KDM4A: variants seen among roughly 807,000 people sequenced by gnomAD.
KDM4A encodes lysine-specific demethylase 4A.
A neutral mutation model predicts 127.1 loss-of-function variants in KDM4A; 23 were observed. The observed-to-expected ratio is 0.18, with a 90% confidence interval of 0.13 to 0.26. The LOEUF (loss-of-function observed/expected upper bound fraction) is 0.26. Ranked by LOEUF, KDM4A falls within the 10% of genes least tolerant of loss-of-function variation. The probability of loss-of-function intolerance (pLI) is 1.00; values close to 1 mark genes in which losing one functional copy is unlikely to be tolerated. For synonymous variants in KDM4A, 443 were observed against 466.5 expected (o/e 0.95, Z 0.65); for missense variants, 890 against 1,329.1 (o/e 0.67, Z 5.14).
intron 19 of KDM4A, among the ~76,000 whole-genome samples, chr1:43,698,559 G>T (rs114421363): frequency 0.013 from 2,055 of 152,266 alleles, 54 homozygotes; most frequent in African/African-American, 0.048. Context: ...TGGCTTGGTA[G>T]TGAGGACTTA....
intron 19 of KDM4A, chr1:43,699,910 T>A (rs1034458251): frequency 3.3e-5 from 5 of 151,962 alleles, no homozygotes; most frequent in Admixed American, 6.6e-5. Context: ...TTTGTATTTT[T>A]AGTAGACATG....
At chr1:43,675,157 G>A (rs1205692576) in intron 11 of KDM4A, among the ~76,000 whole-genome samples, 1 of 152,094 alleles carries the variant, frequency 6.6e-6, no homozygotes, top group Non-Finnish European at 1.5e-5. Flanking sequence ...CTGCTCCATC[G>A]CCAACCATCC....
intron 1 of KDM4A, among the ~76,000 whole-genome samples, chr1:43,652,915 C>T (rs899897348): frequency 1.3e-5 from 2 of 151,906 alleles, no homozygotes; most frequent in African/African-American, 2.4e-5. Context: ...AACTTATGAC[C>T]TCAGGCGATG....
At chr1:43,689,240 T>C in intron 13 of KDM4A, 145 bp downstream of exon 13, 1 of 803,424 alleles carries the variant, frequency 1.2e-6, no homozygotes, top group South Asian at 1.7e-5. Flanking sequence ...TGTGTATTGG[T>C]CAGTCTTCTC....
chr1:43,699,091 A>ATTTTT (rs61194980), intron 19 of KDM4A, among the ~76,000 whole-genome samples: 1 of 126,420 alleles, frequency 7.9e-6, no homozygotes, highest in Non-Finnish European at 1.7e-5. Context: ...GCCTGGCCTT[A>ATTTTT]TTTTTTTTTT....
intron 10 of KDM4A, among the ~76,000 whole-genome samples, chr1:43,671,030 A>C (rs1220606260): frequency 6.6e-6 from 1 of 152,242 alleles, no homozygotes; most frequent in Non-Finnish European, 1.5e-5. Flanking sequence ...AGTATATATA[A>C]GTTGTGGAAT....
chr1:43,661,632 A>AGAAAAAAAG (rs71579303), intron 4 of KDM4A, among the ~76,000 whole-genome samples: 1 of 106,054 alleles, frequency 9.4e-6, no homozygotes, highest in Admixed American at 1.0e-4. Flanking sequence ...AAAAAAAAAA[A>AGAAAAAAAG]AAAAAAAAGA....
intron 11 of KDM4A, among the ~76,000 whole-genome samples, chr1:43,682,757 G>A (rs1029785527): frequency 6.6e-6 from 1 of 152,184 alleles, no homozygotes; most frequent in African/African-American, 2.4e-5. Context: ...AACTCCTGGG[G>A]CTCTGTGTAG....
At chr1:43,703,778 A>G (rs1031173171) in intron 20 of KDM4A, 42 bp downstream of exon 20, 2 of 1,611,136 alleles carry the variant, frequency 1.2e-6, no homozygotes, top group African/African-American at 2.7e-5. Flanking sequence ...GGGGTGCTTG[A>G]TTAATTCTGT....
intron 3 of KDM4A, among the ~76,000 whole-genome samples, chr1:43,656,605 TGGGATTACA>T (rs1036513862): frequency 3.9e-5 from 6 of 152,168 alleles, no homozygotes; most frequent in African/African-American, 9.7e-5. Context: ...CCCAAAGTGC[TGGGATTACA>T]GGCAAGAGCC....
At chr1:43,656,248 CCTT>C (rs1193793916) in intron 3 of KDM4A, among the ~76,000 whole-genome samples, 5 of 151,556 alleles carry the variant, frequency 3.3e-5, no homozygotes, top group Non-Finnish European at 7.4e-5. Context: ...TTCTGTCACT[CCTT>C]CTTTCTCTGT....
Position 43,671,706 on chromosome 1 carries a change from C to A in KDM4A, c.1565C>A (p.Ser522Tyr). 6.2e-7 allele frequency: 1 copy of A among 1,613,696 alleles called. No individual in the cohort carries two copies. The highest frequency in any genetic ancestry group is 8.5e-7 in the Non-Finnish European group (1 of 1,179,816). ...LGSGSSRDSI[S>Y]SDSETSEPLS... ...TCTGGCTCTTCACGGGATTCTATCT[C>A]TTCTGATTCAGAAACTAGTGAGCCT... is the stretch of plus-strand genomic sequence containing the variant. Residue 522 changes from serine (S) to tyrosine (Y), a missense_variant, in exon 11 of 22, where the codon TCT (serine) becomes TAT (tyrosine). This residue lies in a region of KDM4A where 389 missense variants were observed against 485.9 expected (regional missense o/e 0.80). Coordinates refer to ENST00000372396, the MANE Select transcript of KDM4A (RefSeq NM_014663.3).
intron 15 of KDM4A, 40 bp from the exon 16 acceptor site, chr1:43,692,216 T>C: frequency 6.3e-7 from 1 of 1,576,560 alleles, no homozygotes; most frequent in Non-Finnish European, 8.7e-7. Flanking sequence ...GTTAATGACT[T>C]GGTATTAACC....
At chr1:43,683,874 A>G in intron 12 of KDM4A, 70 bp downstream of exon 12, 1 of 1,571,290 alleles carries the variant, frequency 6.4e-7, no homozygotes, top group Non-Finnish European at 8.7e-7. Context: ...ACAGGACATC[A>G]GAAGGCCAAG....
At chr1:43,650,795 G>A (rs517191) in intron 1 of KDM4A, 44,274 of 152,348 alleles carry the variant, frequency 0.29, 6,828 homozygotes, top group Non-Finnish European at 0.35. Flanking sequence ...ACTCAAGTCA[G>A]CTCACACAGC....
intron 12 of KDM4A, among the ~76,000 whole-genome samples, chr1:43,685,989 G>A (rs867344878): frequency 5.9e-5 from 9 of 151,988 alleles, no homozygotes; most frequent in Admixed American, 1.3e-4. Flanking sequence ...TTACCAAGAG[G>A]AATACAAAAT....
chr1:43,677,344 CAA>C (rs35771419), intron 11 of KDM4A, among the ~76,000 whole-genome samples: 23 of 65,796 alleles, frequency 3.5e-4, no homozygotes, highest in Admixed American at 5.1e-4. Flanking sequence ...GACTCCATCT[CAA>C]AAAAAAAAAA....
rs184677647 is a variant in KDM4A, at chr1:43,672,644, A to G, written c.1734+769A>G. 6.7e-3 allele frequency among the ~76,000 whole-genome samples: 1,009 copies of G among 151,556 alleles called. 12 individuals are homozygous for G. Among genetic ancestry groups the G allele is most frequent in the African/African-American group, 0.023 (960 of 41,252 alleles). On this transcript the variant is annotated intron_variant, in intron 11 of 21. Coordinates refer to ENST00000372396, the MANE Select transcript of KDM4A (RefSeq NM_014663.3). ...CGAGTAGCTGGGACTACAGGCGCCC[A>G]CCACCACGCCCAGCTAATTTTTTGT...
At chr1:43,703,542 TC>T in intron 19 of KDM4A, 74 bp from the exon 20 acceptor site, 4 of 1,578,544 alleles carry the variant, frequency 2.5e-6, no homozygotes, top group Non-Finnish European at 3.5e-6. Context: ...GGTTCACTCT[TC>T]CCTGAGTAGA....
Sources: allele counts gnomAD v4.1 joint callset (sites outside exome capture counted in the v4.1 genomes callset), GRCh38; gene constraint gnomAD v4.1.1; regional missense constraint gnomAD v4.1.1; transcripts MANE v1.5; gene names NCBI Gene and HGNC (gene_info 2026-07-23, HGNC 2026-07-21).